The following ROR1 variants were observed in gnomAD, a reference collection of about 807,000 sequenced individuals.
ROR1 encodes the protein ROR family WNT receptor 1.
In ROR1, 19 loss-of-function variants were observed where a neutral mutation model predicts 78.8. The observed-to-expected ratio is 0.24, with a 90% CI of 0.17 to 0.35. The LOEUF (loss-of-function observed/expected upper bound fraction) is 0.35. Among genes scored for constraint, ROR1 ranks in the 10% least tolerant of loss-of-function variants. The pLI, the probability that ROR1 is intolerant of heterozygous loss-of-function variation, is 1.00. For missense variants in ROR1, 917 were observed against 1,177.8 expected, an observed-to-expected ratio of 0.78 and a Z score of 3.24; for synonymous variants, 386 against 433.6, an observed-to-expected ratio of 0.89 and a Z score of 1.36.
chr1:63,898,155 A>G (rs899713941), intron 1 of ROR1, among the ~76,000 whole-genome samples: 4 of 152,202 alleles, frequency 2.6e-5, no homozygotes, highest in African/African-American at 9.6e-5. Flanking sequence ...ACAGCTGGCC[A>G]TCTCTGCCTT....
At chr1:64,102,193 T>G (rs543229421) in intron 4 of ROR1, among the ~76,000 whole-genome samples, 5 of 152,270 alleles carry the variant, frequency 3.3e-5, no homozygotes, top group Non-Finnish European at 5.9e-5. Context: ...ATTTCTCCTG[T>G]TTGTTTTAAC....
At chr1:63,839,765 T>C (rs1465561426) in intron 1 of ROR1, among the ~76,000 whole-genome samples, 1 of 152,162 alleles carries the variant, frequency 6.6e-6, no homozygotes, top group African/African-American at 2.4e-5. Context: ...TAATACATAA[T>C]ACTATTTTTT....
At chr1:64,125,921 A>G (rs1245528366) in intron 4 of ROR1, among the ~76,000 whole-genome samples, 1 of 152,192 alleles carries the variant, frequency 6.6e-6, no homozygotes, top group Admixed American at 6.6e-5. Flanking sequence ...GGGTTGCATT[A>G]CTACTACATG....
intron 1 of ROR1, among the ~76,000 whole-genome samples, chr1:63,798,205 A>T (rs1644773291): frequency 6.6e-6 from 1 of 152,240 alleles, no homozygotes; most frequent in African/African-American, 2.4e-5. Flanking sequence ...AGCCAGCTTC[A>T]TAGGTATGCA....
At chr1:64,075,520 T>C (rs544048990) in intron 4 of ROR1, among the ~76,000 whole-genome samples, 1 of 152,206 alleles carries the variant, frequency 6.6e-6, no homozygotes, top group Non-Finnish European at 1.5e-5. Flanking sequence ...TGACACATAA[T>C]ACACCATCAA....
chr1:63,780,011 G>A (rs956826748), intron 1 of ROR1, among the ~76,000 whole-genome samples: 4 of 152,260 alleles, frequency 2.6e-5, no homozygotes, highest in Non-Finnish European at 4.4e-5. Context: ...AGATGAAAAG[G>A]TTGTATAAAA....
chr1:63,911,637 T>G (rs1645571096), intron 1 of ROR1, among the ~76,000 whole-genome samples: 1 of 150,882 alleles, frequency 6.6e-6, no homozygotes, highest in Non-Finnish European at 1.5e-5. Context: ...TGGTCCTCAG[T>G]GCCAAAAAGG....
At position 63,894,115 on chromosome 1, in the gene ROR1, G is replaced by T. The variant is rs116070291; in HGVS notation, c.92-115190G>T. Among the ~76,000 whole-genome samples the T allele has an allele frequency of 1.7e-3, 261 of 152,132 alleles. 3 individuals carry two copies. The highest frequency in any genetic ancestry group is 6.1e-3 in the African/African-American group (254 of 41,510). The stretch of plus-strand genomic sequence containing the variant: ...ATAAGTGCGTGATATTGTGGCAGTC[G>T]ATCTGATCACCAAGACAGCTACTAA... On this transcript the variant is annotated intron_variant, in intron 1 of 8. Transcript: ENST00000371079.
chr1:63,930,691 G>T (rs1645744609), intron 1 of ROR1, among the ~76,000 whole-genome samples: 1 of 152,150 alleles, frequency 6.6e-6, no homozygotes, highest in East Asian at 1.9e-4. Context: ...TTTTATGAAT[G>T]AAAAATTATT....
At chr1:63,993,449 A>C (rs894313346) in intron 1 of ROR1, among the ~76,000 whole-genome samples, 2 of 152,210 alleles carry the variant, frequency 1.3e-5, no homozygotes, top group African/African-American at 4.8e-5. Context: ...TCTGGTGTAG[A>C]CACTGTTCCC....
intron 4 of ROR1, chr1:64,106,638 A>T (rs539984162): frequency 6.6e-6 from 1 of 152,220 alleles, no homozygotes; most frequent in East Asian, 1.9e-4. Flanking sequence ...TTCCATCAAT[A>T]TCTAGTTTAT....
chr1:63,846,060 C>T, intron 1 of ROR1, among the ~76,000 whole-genome samples: 1 of 152,118 alleles, frequency 6.6e-6, no homozygotes, highest in African/African-American at 2.4e-5. Flanking sequence ...CACCGCAACC[C>T]ACAACCTTGG....
At chr1:63,974,612 T>G (rs2100501243) in intron 1 of ROR1, among the ~76,000 whole-genome samples, 1 of 152,218 alleles carries the variant, frequency 6.6e-6, no homozygotes, top group Admixed American at 6.5e-5. Flanking sequence ...CCTTTAAAAC[T>G]TGTTAGAAAT....
rs1274597087 is a variant in ROR1, at chr1:64,077,751, A to G, written c.482+27035A>G. 3.3e-5 allele frequency among the ~76,000 whole-genome samples: 5 copies of G among 152,214 alleles called. No homozygotes were observed. The South Asian group carries it at 1.0e-3, about 32-fold the overall frequency. On this transcript the variant is annotated intron_variant, in intron 4 of 8. Coordinates refer to ENST00000371079, the MANE Select transcript of ROR1 (RefSeq NM_005012.4). ...GCCTTTGGCATTCTAAACCATTTCT[A>G]ATTTCATGAAGATAAGTCAGAGGTT...
intron 1 of ROR1, among the ~76,000 whole-genome samples, chr1:63,843,029 C>A (rs1254035050): frequency 2.6e-5 from 4 of 152,052 alleles, no homozygotes; most frequent in Admixed American, 6.6e-5. Context: ...GGAGGAAAAT[C>A]CAGGGAGTGG....
chr1:63,899,554 C>T (rs1645468444), intron 1 of ROR1, among the ~76,000 whole-genome samples: 1 of 152,058 alleles, frequency 6.6e-6, no homozygotes, highest in South Asian at 2.1e-4. Context: ...CTGAATTGCT[C>T]CGAGCCTTAA....
chr1:64,027,875 A>T (rs1646627125), intron 2 of ROR1, among the ~76,000 whole-genome samples: 1 of 152,098 alleles, frequency 6.6e-6, no homozygotes, highest in South Asian at 2.1e-4. Context: ...TTTAGTAGAG[A>T]TAGGGTTTCA....
At chr1:63,928,429 A>G (rs1321782553) in intron 1 of ROR1, among the ~76,000 whole-genome samples, 4 of 152,230 alleles carry the variant, frequency 2.6e-5, no homozygotes, top group Non-Finnish European at 5.9e-5. Flanking sequence ...TTAGCAACTT[A>G]GTCATTTTAC....
intron 2 of ROR1, among the ~76,000 whole-genome samples, chr1:64,048,248 A>G (rs1372195228): frequency 3.9e-5 from 6 of 152,250 alleles, no homozygotes; most frequent in Admixed American, 2.0e-4. Flanking sequence ...TTTAAATTTA[A>G]AAATTCAGTT....
Sources: allele counts gnomAD v4.1 joint callset (sites outside exome capture counted in the v4.1 genomes callset), GRCh38; gene constraint gnomAD v4.1.1; transcripts MANE v1.5; gene names NCBI Gene and HGNC (gene_info 2026-07-23, HGNC 2026-07-21).